PPFIA3: variants seen among roughly 807,000 people sequenced by gnomAD.
The protein encoded by PPFIA3 is PPFI scaffold protein A3.
A neutral mutation model predicts 145.8 loss-of-function variants in PPFIA3; 26 were observed. The ratio of observed to expected loss-of-function variants is 0.18; its 90% CI spans 0.13 to 0.25. The LOEUF is 0.25. PPFIA3 is among the 10% of genes least tolerant of loss of function. The pLI, the probability that PPFIA3 is intolerant of heterozygous loss-of-function variation, is 1.00. For missense variants in PPFIA3, 1,008 were observed against 1,587.8 expected, an observed-to-expected ratio of 0.63 and a Z score of 6.21; for synonymous variants, 645 against 661.4, an observed-to-expected ratio of 0.98 and a Z score of 0.38.
rs942199739 is a variant in PPFIA3, at chr19:49,134,777, G to C, written c.1441-59G>C. The C allele has an allele frequency of 8.2e-5, 132 of 1,610,906 alleles. 1 individual carries two copies. Among genetic ancestry groups the C allele is most frequent in the African/African-American group, 7.5e-4 (56 of 74,856 alleles). On this transcript the variant is annotated intron_variant, in intron 12 of 29. Transcript: ENST00000334186. ...AGGCTAGGGTCTGCAAGTCTGGCAG[G>C]GGCTGTTCCTCCTGGGCGGAGCAGA...
intron 11 of PPFIA3, among the ~76,000 whole-genome samples, chr19:49,134,376 C>T (rs2041112264): frequency 6.6e-6 from 1 of 152,222 alleles, no homozygotes; most frequent in South Asian, 2.1e-4. Context: ...GGCACCCATG[C>T]CTCGAGTCCT....
At position 49,141,325 on chromosome 19, in the gene PPFIA3, C is replaced by T. The variant is rs1400660769; in HGVS notation, c.2369-95C>T. On this transcript the variant is annotated intron_variant, in intron 18 of 29. Coordinates refer to ENST00000334186, the MANE Select transcript of PPFIA3 (RefSeq NM_003660.4). The stretch of plus-strand genomic sequence containing the variant: ...CCCTCACTCACTACTCCCTCAGGGC[C>T]TCTGCCTTTCCGGCATTTTCCTCAT... The T allele has an allele frequency of 1.3e-5, 12 of 909,952 alleles. No individual in the cohort carries two copies. The Admixed American group carries it at 1.8e-4, about 14-fold the overall frequency. 56.4% of individuals were successfully genotyped at this position (909,952 alleles called of 1,614,324 possible).
In PPFIA3 at chr19:49,129,371, G is replaced by A. The variant is rs1356881980; in HGVS notation, c.508-9G>A. On this transcript the variant is annotated splice_polypyrimidine_tract_variant and intron_variant, in intron 4 of 29. Transcript: ENST00000334186. ...CTCCAGCTGACTGTTGCCCTGCCCC[G>A]ATCCCCAGGTCCGGGAGCGGCTGCG... The A allele has an allele frequency of 6.5e-6, 10 of 1,546,302 alleles. No homozygotes were observed. The highest frequency in any genetic ancestry group is 6.1e-6 in the Non-Finnish European group (7 of 1,146,602).
Position 49,134,719 on chromosome 19 carries a change from G to T in PPFIA3, c.1440+18G>T, listed in dbSNP as rs750761719. On this transcript the variant is annotated intron_variant, in intron 12 of 29. Coordinates refer to ENST00000334186, the MANE Select transcript of PPFIA3 (RefSeq NM_003660.4). ...TAAACAAGGTAGGGGGCCCTGAGGG[G>T]ACAGGAGGAGGATGTTGGGGCAGTG... is the stretch of plus-strand genomic sequence containing the variant. 6.2e-7 allele frequency: 1 copy of T among 1,613,422 alleles called. No individual in the cohort carries two copies. Among genetic ancestry groups the T allele is most frequent in the South Asian group, 1.1e-5 (1 of 91,060 alleles).
Position 49,128,226 on chromosome 19 carries a change from C to T in PPFIA3, c.240+113C>T, listed in dbSNP as rs2041027392. On this transcript the variant is annotated intron_variant, in intron 2 of 29. Coordinates refer to ENST00000334186, the MANE Select transcript of PPFIA3 (RefSeq NM_003660.4). This position sits in a 1 kb window ranked among gnomAD's most constrained non-coding sequence, Gnocchi z 4.1. Reference sequence around the variant, plus strand: ...AGGGAGGAGTCTGGGCGAGGCTTGCCGTTAATGGGCGGGGCCTGAGTGGCA... The same window carrying T: ...AGGGAGGAGTCTGGGCGAGGCTTGCTGTTAATGGGCGGGGCCTGAGTGGCA... 1.4e-6 allele frequency: 2 copies of T among 1,481,044 alleles called. No homozygotes were observed. The highest frequency in any genetic ancestry group is 2.4e-5 in the East Asian group (1 of 42,400). 91.7% of individuals were successfully genotyped at this position (1,481,044 alleles called of 1,614,324 possible). A position where few individuals can be genotyped will look rare whatever the true frequency, so the allele number is the denominator to read the frequency against.
rs183922358 is a variant in PPFIA3 at position 49,122,754 on chromosome 19, C to G, written c.-16+3032C>G. Among the ~76,000 whole-genome samples, 19 of 141,924 alleles carry G rather than the reference C, an allele frequency of 1.3e-4. No homozygotes were observed. In the East Asian group the frequency reaches 3.3e-3, roughly 25 times the overall value. 93.1% of individuals were successfully genotyped at this position (141,924 alleles called of 152,430 possible). On this transcript the variant is annotated intron_variant, in intron 1 of 29. Transcript: ENST00000334186. ...TTTTTTGGCGGGGGATGGAGTCTCA[C>G]TCTGTCTCCCAGGCTGGAGTGCAGT...
rs375459144 is a variant in PPFIA3 at position 49,133,251 on chromosome 19, C to G, written c.1041C>G (p.Ser347Arg). 4.4e-6 allele frequency: 7 copies of G among 1,607,322 alleles called. No individual in the cohort carries two copies. The African/African-American group carries it at 9.4e-5, about 22-fold the overall frequency. Residue 347 changes from serine to arginine, a missense_variant, in exon 9 of 30, where the codon AGC becomes AGG. Transcript: ENST00000334186. The surrounding 1 kb of genome is among the most constrained non-coding windows in gnomAD (Gnocchi z 7.2). Reference sequence around the variant, plus strand: ...CCCTCCCCCAGAGTGAAGAGAAGAGCCGTCAGCTGGCCGAGTGGTTGGACG... The same window carrying G: ...CCCTCCCCCAGAGTGAAGAGAAGAGGCGTCAGCTGGCCGAGTGGTTGGACG... ...ESLYRQSEEK[S>R]RQLAEWLDDA...
rs770175716 is a variant in PPFIA3 at position 49,148,069 on chromosome 19, GC to G, written c.2836-11del. 1 of 1,606,170 alleles carries G rather than the reference GC, an allele frequency of 6.2e-7. No individual in the cohort carries two copies. The highest frequency in any genetic ancestry group is 8.5e-7 in the Non-Finnish European group (1 of 1,175,790). ...AGAGGGCCTGACTCTTCCCTCACCT[GC>G]CCATGGCCCCAGATCCTGGCATATG... On this transcript the variant is annotated splice_polypyrimidine_tract_variant and intron_variant, in intron 23 of 29. Coordinates refer to ENST00000334186, the MANE Select transcript of PPFIA3 (RefSeq NM_003660.4).
At position 49,128,138 on chromosome 19, in the gene PPFIA3, A is replaced by G. The variant is rs1340319658; in HGVS notation, c.240+25A>G. 8.1e-6 allele frequency: 4 copies of G among 491,190 alleles called. No homozygotes were observed. In the East Asian group the frequency reaches 2.8e-4, roughly 34 times the overall value. 30.4% of individuals were successfully genotyped at this position (491,190 alleles called of 1,614,324 possible). ...GGTCTGGGCGGGACAGGGGCGGGGC[A>G]TGAGGGGGCGGGGCCTCGGGGGGAA... On this transcript the variant is annotated intron_variant, in intron 2 of 29. Coordinates refer to ENST00000334186, the MANE Select transcript of PPFIA3 (RefSeq NM_003660.4). The surrounding 1 kb of genome is among the most constrained non-coding windows in gnomAD (Gnocchi z 4.1).
Position 49,142,908 on chromosome 19 carries a change from C to A in PPFIA3, c.2649C>A (p.Ile883=), listed in dbSNP as rs758620398. The change falls in exon 21 of 30, where the codon ATC becomes ATA. Residue 883 remains isoleucine (I), a synonymous_variant. Transcript: ENST00000334186. The stretch of plus-strand genomic sequence containing the variant: ...CAGACACGGAGATCCAGCGCGAGAT[C>A]GGCATCAGCAACCCGCTGCACCGAC... ...NLSDTEIQRE[I]GISNPLHRLK... 5.6e-6 allele frequency: 9 copies of A among 1,613,900 alleles called. No homozygotes were observed. In the South Asian group the frequency reaches 7.7e-5, roughly 14 times the overall value.
At chr19:49,143,187 A>G (rs892368856) in intron 21 of PPFIA3, among the ~76,000 whole-genome samples, 183 bp downstream of exon 21, 1 of 152,026 alleles carries the variant, frequency 6.6e-6, no homozygotes, top group Non-Finnish European at 1.5e-5. Flanking sequence ...GTGGTACTCC[A>G]GGAGGGGCCC....
At chr19:49,148,542 C>T (rs1006208120) in intron 24 of PPFIA3, 124 bp from the exon 25 acceptor site, 9 of 829,312 alleles carry the variant, frequency 1.1e-5, no homozygotes, top group Non-Finnish European at 1.6e-5. Context: ...GGTCAACAGT[C>T]AATAGAACTT....
intron 7 of PPFIA3, among the ~76,000 whole-genome samples, chr19:49,131,297 T>TGTGC (rs2041068326): frequency 2.7e-5 from 4 of 149,872 alleles, no homozygotes; most frequent in African/African-American, 9.8e-5. Flanking sequence ...GCCTCCCTAG[T>TGTGC]AGCTGGGACT....
intron 21 of PPFIA3, chr19:49,145,652 T>G: frequency 2.2e-6 from 1 of 451,612 alleles, no homozygotes; most frequent in Non-Finnish European, 4.1e-6. Context: ...TGAATCCTCA[T>G]TCTGTACCTC....
intron 1 of PPFIA3, among the ~76,000 whole-genome samples, chr19:49,126,098 G>T (rs1401198366): frequency 1.4e-5 from 2 of 147,752 alleles, no homozygotes; most frequent in Admixed American, 6.7e-5. Context: ...CTACAGGTGC[G>T]TGCCACCACG....
intron 1 of PPFIA3, among the ~76,000 whole-genome samples, chr19:49,127,603 A>AAT (rs1568434130): frequency 1.3e-5 from 2 of 150,852 alleles, no homozygotes; most frequent in African/African-American, 4.9e-5. Context: ...TGTTAAAAAA[A>AAT]AATAATAATA....
rs756036286 is a variant in PPFIA3 at position 49,148,151 on chromosome 19, C to T, written c.2904C>T (p.Pro968=). The T allele has an allele frequency of 1.2e-6, 2 of 1,614,188 alleles. No homozygotes were observed. Among genetic ancestry groups the T allele is most frequent in the Admixed American group, 3.3e-5 (2 of 60,020 alleles). ...GNDWLPSLGL[P]QYRSYFMESL... Reference sequence around the variant, plus strand: ...ACTGGCTGCCCAGCCTGGGGCTGCCCCAATACCGCAGCTACTTCATGGAGT... The same window carrying T: ...ACTGGCTGCCCAGCCTGGGGCTGCCTCAATACCGCAGCTACTTCATGGAGT... The change falls in exon 24 of 30, where the codon CCC becomes CCT. Residue 968 remains proline, a synonymous_variant. Coordinates refer to ENST00000334186, the MANE Select transcript of PPFIA3 (RefSeq NM_003660.4).
rs551881673 is a variant in PPFIA3 at position 49,126,801 on chromosome 19, G to C, written c.-15-1058G>C. Among the ~76,000 whole-genome samples the C allele has an allele frequency of 1.4e-3, 214 of 152,014 alleles. 1 individual carries two copies. The highest frequency in any genetic ancestry group is 4.3e-3 in the Admixed American group (65 of 15,266). On this transcript the variant is annotated intron_variant, in intron 1 of 29. Transcript: ENST00000334186. ...GCCTCAGTTTTCCTACCCATGCAGT[G>C]GGTTGAGGGGGATTCTCAGTAGAGC...
chr19:49,137,307 C>T (rs975650963), intron 15 of PPFIA3: 2 of 165,644 alleles, frequency 1.2e-5, no homozygotes, highest in Non-Finnish European at 2.6e-5. Context: ...CCAAGAATCT[C>T]ATCCTAACAT....
Sources: gnomAD v4.1 joint callset for allele counts (sites outside exome capture counted in the v4.1 genomes callset) on GRCh38, gnomAD v4.1.1 for gene constraint, Gnocchi (gnomAD v3.1) non-coding constraint, MANE v1.5 for transcripts, NCBI Gene and HGNC (gene_info 2026-07-23, HGNC 2026-07-21) for gene names.